The following PAWR variants were observed in gnomAD, a reference collection of about 807,000 sequenced individuals.
PAWR encodes PRKC apoptosis WT1 regulator protein.
In PAWR, 23 loss-of-function variants were observed where a neutral mutation model predicts 32.0. That is an observed-to-expected ratio of 0.72 (90% CI 0.52 to 1.02). PAWR has a LOEUF of 1.02. Ranked by LOEUF, PAWR falls within the 50% of genes least tolerant of loss-of-function variation. PAWR has a pLI of 0.00. For missense variants in PAWR, 457 were observed against 437.7 expected, an observed-to-expected ratio of 1.04 and a Z score of -0.39; for synonymous variants, 226 against 187.1, an observed-to-expected ratio of 1.21 and a Z score of -1.70.
In PAWR at chr12:79,655,410, T is replaced by C. The variant is rs191346099; in HGVS notation, c.517-34203A>G. On this transcript the variant is annotated intron_variant, in intron 2 of 6. Transcript: ENST00000328827. ...TTCCAGACTAAAAAGAGAGAGGACT[T>C]CAAACTAAAACATAGGTTCTTATTC... is the stretch of plus-strand genomic sequence containing the variant. 4.6e-5 allele frequency among the ~76,000 whole-genome samples: 7 copies of C among 152,314 alleles called. No individual in the cohort carries two copies. The East Asian group carries it at 1.4e-3, about 29-fold the overall frequency.
rs11114194 is a variant in PAWR at position 79,625,857 on chromosome 12, G to A, written c.517-4650C>T. Among the ~76,000 whole-genome samples, 867 of 150,020 alleles carry A rather than the reference G, an allele frequency of 5.8e-3. 4 individuals are homozygous for A. The highest frequency in any genetic ancestry group is 0.018 in the Middle Eastern group (5 of 278). ...ACAAAAAAGTAACAGACGGGTGGAA[G>A]CAGATTATACACAAAAGTATATAAG... is the stretch of plus-strand genomic sequence containing the variant. On this transcript the variant is annotated intron_variant, in intron 2 of 6. Transcript: ENST00000328827.
intron 2 of PAWR, among the ~76,000 whole-genome samples, chr12:79,624,487 G>A (rs1055349696): frequency 6.6e-6 from 1 of 152,158 alleles, no homozygotes; most frequent in Non-Finnish European, 1.5e-5. Flanking sequence ...GCTATCCACT[G>A]AACTGGGAAC....
At chr12:79,601,059 T>C (rs1592492212) in intron 4 of PAWR, among the ~76,000 whole-genome samples, 1 of 151,960 alleles carries the variant, frequency 6.6e-6, no homozygotes, top group African/African-American at 2.4e-5. Flanking sequence ...TTAGAGAAGG[T>C]TGAAACGTAA....
intron 4 of PAWR, chr12:79,604,134 C>T: frequency 5.4e-6 from 3 of 559,700 alleles, no homozygotes; most frequent in South Asian, 7.9e-5. Context: ...GCCAGATATG[C>T]ACAGTGCAAA....
chr12:79,644,668 C>G (rs1394136791), intron 2 of PAWR, among the ~76,000 whole-genome samples: 1 of 151,950 alleles, frequency 6.6e-6, no homozygotes, highest in Non-Finnish European at 1.5e-5. Context: ...ATTTTGTTAG[C>G]AAAAACATTT....
intron 2 of PAWR, among the ~76,000 whole-genome samples, chr12:79,629,684 T>C (rs923198641): frequency 6.6e-6 from 1 of 152,178 alleles, no homozygotes; most frequent in Non-Finnish European, 1.5e-5. Flanking sequence ...TGTTTTGTTT[T>C]GTTTTGTTTT....
intron 2 of PAWR, among the ~76,000 whole-genome samples, chr12:79,632,968 T>C (rs1387494466): frequency 6.6e-6 from 1 of 152,016 alleles, no homozygotes; most frequent in Non-Finnish European, 1.5e-5. Context: ...ACCCTGTCTC[T>C]ACTAAAAATA....
At position 79,621,179 on chromosome 12, in the gene PAWR, G is replaced by T; in HGVS notation, c.545C>A (p.Ala182Glu). The T allele has an allele frequency of 1.2e-6, 2 of 1,610,988 alleles. No homozygotes were observed. The highest frequency in any genetic ancestry group is 1.7e-6 in the Non-Finnish European group (2 of 1,179,106). ...TTCTCGTTTCCGCTCTTTCTGCCCTGCTTCATCATCTTCGTACTCATCTAA... is the reference window on the plus strand; with the variant it reads ...TTCTCGTTTCCGCTCTTTCTGCCCTTCTTCATCATCTTCGTACTCATCTAA... The part of the protein sequence containing the change: ...ECLDEYEDDE[A>E]GQKERKREDA... The change falls in exon 3 of 7, where the codon GCA becomes GAA. Residue 182 changes from alanine (A) to glutamate (E), a missense_variant. Coordinates refer to ENST00000328827, the MANE Select transcript of PAWR (RefSeq NM_002583.4).
intron 3 of PAWR, among the ~76,000 whole-genome samples, chr12:79,615,196 T>C (rs1465231559): frequency 6.6e-6 from 1 of 152,192 alleles, no homozygotes; most frequent in Non-Finnish European, 1.5e-5. Flanking sequence ...TTAGTTTTAT[T>C]TGTATCTCAA....
chr12:79,671,418 G>T (rs114451431), intron 2 of PAWR, among the ~76,000 whole-genome samples: 1 of 152,156 alleles, frequency 6.6e-6, no homozygotes, highest in Non-Finnish European at 1.5e-5. Flanking sequence ...TGTAGTTAGC[G>T]TAGAAGTAGC....
At chr12:79,618,215 G>T (rs1301415791) in intron 3 of PAWR, among the ~76,000 whole-genome samples, 3 of 151,596 alleles carry the variant, frequency 2.0e-5, no homozygotes, top group African/African-American at 7.3e-5. Context: ...TGCAACATCC[G>T]CCTCCAAGGT....
intron 2 of PAWR, among the ~76,000 whole-genome samples, chr12:79,651,828 T>C (rs1467654499): frequency 6.6e-6 from 1 of 152,190 alleles, no homozygotes; most frequent in Non-Finnish European, 1.5e-5. Flanking sequence ...ATTTTAAATC[T>C]AGGCCATGAA....
chr12:79,662,338 A>G (rs1246545826), intron 2 of PAWR, among the ~76,000 whole-genome samples: 1 of 152,172 alleles, frequency 6.6e-6, no homozygotes, highest in Non-Finnish European at 1.5e-5. Flanking sequence ...TTTAACCCTA[A>G]CAACCACCCT....
intron 2 of PAWR, among the ~76,000 whole-genome samples, chr12:79,632,363 T>TATA (rs1875747199): frequency 1.6e-5 from 1 of 63,310 alleles, no homozygotes; most frequent in South Asian, 5.3e-4. Context: ...ATATATATAT[T>TATA]TTTTTTTTTT....
At chr12:79,602,630 T>C (rs1293455269) in intron 4 of PAWR, among the ~76,000 whole-genome samples, 1 of 152,204 alleles carries the variant, frequency 6.6e-6, no homozygotes, top group African/African-American at 2.4e-5. Context: ...CAAAAGTAGA[T>C]GCTGATGTCA....
chr12:79,632,452 G>T (rs1875753981), intron 2 of PAWR, among the ~76,000 whole-genome samples: 1 of 146,478 alleles, frequency 6.8e-6, no homozygotes, highest in Non-Finnish European at 1.5e-5. Flanking sequence ...TTGACCTCCT[G>T]GGCTCAATCC....
At position 79,592,355 on chromosome 12, in the gene PAWR, C is replaced by T. The variant is rs1303663070; in HGVS notation, c.*252G>A. On this transcript the variant is annotated 3_prime_UTR_variant, in exon 7 of 7. Transcript: ENST00000328827. Reference sequence around the variant, plus strand: ...AACCATGTATTAGTTGAATACCACACAAAACCAAAAAGGCATTATCTATCA... The same window carrying T: ...AACCATGTATTAGTTGAATACCACATAAAACCAAAAAGGCATTATCTATCA... The T allele has an allele frequency of 8.3e-6, 3 of 362,910 alleles. No homozygotes were observed. Among genetic ancestry groups the T allele is most frequent in the Non-Finnish European group, 1.5e-5 (3 of 203,914 alleles). 22.5% of individuals were successfully genotyped at this position (362,910 alleles called of 1,614,324 possible).
intron 3 of PAWR, among the ~76,000 whole-genome samples, chr12:79,616,074 A>AC: frequency 6.6e-6 from 1 of 151,842 alleles, no homozygotes; most frequent in African/African-American, 2.4e-5. Flanking sequence ...AAAAAAAAAA[A>AC]AAGTTTTTCC....
At position 79,628,176 on chromosome 12, in the gene PAWR, T is replaced by C. The variant is rs1180989408; in HGVS notation, c.517-6969A>G. Among the ~76,000 whole-genome samples, 4 of 152,226 alleles carry C rather than the reference T, an allele frequency of 2.6e-5. No homozygotes were observed. In the East Asian group the frequency reaches 5.8e-4, roughly 22 times the overall value. ...ACTCTCTCAAAACCACTCAACTACA[T>C]GGAAACTGAACAACCTGCTCCTGAA... On this transcript the variant is annotated intron_variant, in intron 2 of 6. Transcript: ENST00000328827.
Sources: gnomAD v4.1 joint callset for allele counts (sites outside exome capture counted in the v4.1 genomes callset) on GRCh38, gnomAD v4.1.1 for gene constraint, MANE v1.5 for transcripts, NCBI Gene and HGNC (gene_info 2026-07-23, HGNC 2026-07-21) for gene names.